DNMT1: variants seen among roughly 807,000 people sequenced by gnomAD.
The protein encoded by DNMT1 is DNA (cytosine-5)-methyltransferase 1.
In DNMT1, 24 loss-of-function variants were observed where a neutral mutation model predicts 205.3. The observed-to-expected ratio is 0.12, with a 90% CI of 0.08 to 0.16. The LOEUF (loss-of-function observed/expected upper bound fraction) is 0.16, where lower values mean the gene tolerates loss of function less well. Among genes scored for constraint, DNMT1 ranks in the 10% least tolerant of loss-of-function variants. The pLI is 1.00. For missense variants in DNMT1, 1,293 were observed against 2,177.7 expected, an observed-to-expected ratio of 0.59 and a Z score of 8.09; for synonymous variants, 817 against 839.8, an observed-to-expected ratio of 0.97 and a Z score of 0.47.
At chr19:10,194,625 T>G in intron 1 of DNMT1, 195 bp downstream of exon 1, 2 of 650,808 alleles carry the variant, frequency 3.1e-6, no homozygotes, top group Non-Finnish European at 4.9e-6. Context: ...ACGGTCCATT[T>G]TGGCGCCAAA....
Position 10,140,182 on chromosome 19 carries a change from C to T in DNMT1, c.3670G>A (p.Gly1224Ser), listed in dbSNP as rs764137405. The change falls in exon 33 of 41, where the codon GGC becomes AGC. Residue 1224 changes from glycine (G) to serine (S), a missense_variant. Physicochemically the swap from Gly to Ser is moderately conservative, Grantham distance 56 (BLOSUM62 0). Transcript: ENST00000359526. The surrounding 1 kb of genome is among the most constrained non-coding windows in gnomAD (Gnocchi z 8.4). ...TCTCCCTTCTGGGGCAGCCGCTGGC[C>T]GCGGGAGTTGGTGGTCTCCCCAGCC... ...VMAGETTNSR[G>S]QRLPQKGDVE... 6 of 1,613,946 alleles carry T rather than the reference C, an allele frequency of 3.7e-6. No homozygotes were observed. The highest frequency in any genetic ancestry group is 2.2e-5 in the South Asian group (2 of 91,082).
rs769897113 is a variant in DNMT1, at chr19:10,194,857, C to A, written c.43G>T (p.Val15Phe). The A allele has an allele frequency of 1.9e-6, 3 of 1,611,432 alleles. No homozygotes were observed. Among genetic ancestry groups the A allele is most frequent in the African/African-American group, 1.3e-5 (1 of 74,722 alleles). ...TCGTCGGGCAGCGAGATGGCCGGGACGGCCAGTGTGGGCACCCGGGCTGGG... is the reference window on the plus strand; with the variant it reads ...TCGTCGGGCAGCGAGATGGCCGGGAAGGCCAGTGTGGGCACCCGGGCTGGG... ...TAPARVPTLA[V>F]PAISLPDDVR... Residue 15 changes from valine (V) to phenylalanine (F), a missense_variant, in exon 1 of 41, where the codon GTC (valine) becomes TTC (phenylalanine). This residue lies in a region of DNMT1 where 394 missense variants were observed against 451.6 expected (regional missense o/e 0.87). Transcript: ENST00000359526.
At chr19:10,144,434 T>C (rs1427178352) in intron 28 of DNMT1, 5 of 250,866 alleles carry the variant, frequency 2.0e-5, no homozygotes, top group Non-Finnish European at 3.9e-5. Context: ...AAGATTTAGC[T>C]GCAGATTTAG....
At chr19:10,136,408 G>A (rs1258718109) in intron 37 of DNMT1, 121 bp from the exon 38 acceptor site, 3 of 1,269,268 alleles carry the variant, frequency 2.4e-6, no homozygotes, top group South Asian at 1.3e-5. Flanking sequence ...CCCTGGGGTG[G>A]AGCAGCCAAC....
Position 10,151,694 on chromosome 19 carries a change from A to C in DNMT1, c.2117+56T>G. ...ACATGCAGGCCCTTCTCCACAGTGC[A>C]TCTGCCACCAGCTGGCAAGTCCTCT... On this transcript the variant is annotated intron_variant, in intron 23 of 40. Transcript: ENST00000359526. The surrounding 1 kb of genome is among the most constrained non-coding windows in gnomAD (Gnocchi z 5.0). 6.2e-7 allele frequency: 1 copy of C among 1,610,482 alleles called. No homozygotes were observed. Among genetic ancestry groups the C allele is most frequent in the South Asian group, 1.1e-5 (1 of 91,012 alleles).
rs1313976937 is a variant in DNMT1, at chr19:10,149,877, G to C, written c.2357C>G (p.Ser786Cys). Residue 786 changes from serine (S) to cysteine (C), a missense_variant, in exon 25 of 41, where the codon TCC (serine) becomes TGC (cysteine). Ser to Cys is a moderately radical substitution (Grantham distance 112). Transcript: ENST00000359526. ...CCTTGCTAGATACAGCGGTTTTGAG[G>C]AATCATCTGGAATAACAGAGACACA... Reference protein sequence around the residue: ...GDCVSVIPDDSSKPLYLARVT... With the variant: ...GDCVSVIPDDCSKPLYLARVT... 1.2e-6 allele frequency: 2 copies of C among 1,614,090 alleles called. No individual in the cohort carries two copies. Among genetic ancestry groups the C allele is most frequent in the African/African-American group, 2.7e-5 (2 of 74,936 alleles).
At chr19:10,191,715 G>C (rs1476709550) in intron 1 of DNMT1, among the ~76,000 whole-genome samples, 1 of 152,176 alleles carries the variant, frequency 6.6e-6, no homozygotes, top group East Asian at 1.9e-4. Context: ...AGGAATAATG[G>C]CCGGGCCCTG....
chr19:10,168,218 G>A, intron 10 of DNMT1, 112 bp downstream of exon 10: 2 of 1,239,602 alleles, frequency 1.6e-6, no homozygotes, highest in Non-Finnish European at 2.4e-6. Context: ...GCCCACATAA[G>A]AGACATATGA....
In DNMT1 at chr19:10,140,292, T is replaced by G; in HGVS notation, c.3560A>C (p.Asp1187Ala). 1 of 1,613,652 alleles carries G rather than the reference T, an allele frequency of 6.2e-7. No individual in the cohort carries two copies. The highest frequency in any genetic ancestry group is 8.5e-7 in the Non-Finnish European group (1 of 1,179,986). ...CAGCCGGAACGCCTGGGCCGCAGGG[T>G]CCCACATCTCGATGGCCCACAGCGT... is the stretch of plus-strand genomic sequence containing the variant. The part of the protein sequence containing the change: ...SDTLWAIEMW[D>A]PAAQAFRLNN... Residue 1187 changes from aspartate (D) to alanine (A), a missense_variant, in exon 33 of 41, where the codon GAC (aspartate) becomes GCC (alanine). By Grantham distance (126) the Asp-to-Ala change is moderately radical (BLOSUM62 -2). Coordinates refer to ENST00000359526, the MANE Select transcript of DNMT1 (RefSeq NM_001130823.3). The surrounding 1 kb of genome is among the most constrained non-coding windows in gnomAD (Gnocchi z 8.4).
Position 10,146,406 on chromosome 19 carries a change from T to G in DNMT1, c.2839A>C (p.Ile947Leu), listed in dbSNP as rs1174048074. Residue 947 changes from isoleucine (I) to leucine (L), a missense_variant, in exon 28 of 41, where the codon ATC (isoleucine) becomes CTC (leucine). Coordinates refer to ENST00000359526, the MANE Select transcript of DNMT1 (RefSeq NM_001130823.3). The surrounding 1 kb of genome is among the most constrained non-coding windows in gnomAD (Gnocchi z 4.4). ...ACACCATCACCAACTCGGTACAGGATGCCGTTCTTGGTGGCTGAGTAGTAG... is the reference window on the plus strand; with the variant it reads ...ACACCATCACCAACTCGGTACAGGAGGCCGTTCTTGGTGGCTGAGTAGTAG... The part of the protein sequence containing the change: ...VLYYSATKNG[I>L]LYRVGDGVYL... 6.2e-7 allele frequency: 1 copy of G among 1,614,062 alleles called. No homozygotes were observed.
intron 1 of DNMT1, chr19:10,194,568 C>T: frequency 2.1e-6 from 1 of 469,174 alleles, no homozygotes; most frequent in South Asian, 3.1e-5. Context: ...AAAAGAGAAC[C>T]CCCACCCCGC....
intron 14 of DNMT1, 59 bp downstream of exon 14, chr19:10,160,325 T>C: frequency 6.2e-7 from 1 of 1,610,564 alleles, no homozygotes; most frequent in Non-Finnish European, 8.5e-7. Flanking sequence ...CCTTTTGTTC[T>C]AGAACCATCA....
chr19:10,141,784 G>A (rs539294085), intron 30 of DNMT1: 33 of 551,628 alleles, frequency 6.0e-5, no homozygotes, highest in South Asian at 5.5e-4. Flanking sequence ...CTCTAATGAC[G>A]TACTTTTTAA....
rs1005174134 is a variant in DNMT1 at position 10,156,198 on chromosome 19, CTA to C, written c.1399+191_1399+192del. On this transcript the variant is annotated intron_variant, in intron 18 of 40. Transcript: ENST00000359526. This position sits in a 1 kb window ranked among gnomAD's most constrained non-coding sequence, Gnocchi z 4.2. The stretch of plus-strand genomic sequence containing the variant: ...ACATATATATAAGTATATATGTATA[CTA>C]TATATATATGCTATATATTTTTTTT... Among the ~76,000 whole-genome samples the C allele has an allele frequency of 1.3e-5, 2 of 150,322 alleles. No individual in the cohort carries two copies. Among genetic ancestry groups the C allele is most frequent in the African/African-American group, 2.4e-5 (1 of 40,972 alleles).
rs116015324 is a variant in DNMT1 at position 10,173,471 on chromosome 19, C to T, written c.684-297G>A. ...ACGATATGGTTGCCATGGAAACACACGATAAAGTTCTTCTTTTTAAACTTT... is the reference window on the plus strand; with the variant it reads ...ACGATATGGTTGCCATGGAAACACATGATAAAGTTCTTCTTTTTAAACTTT... On this transcript the variant is annotated intron_variant, in intron 8 of 40. Coordinates refer to ENST00000359526, the MANE Select transcript of DNMT1 (RefSeq NM_001130823.3). 1.8e-3 allele frequency among the ~76,000 whole-genome samples: 276 copies of T among 151,658 alleles called. 3 individuals carry two copies. The highest frequency in any genetic ancestry group is 6.3e-3 in the African/African-American group (260 of 41,364).
chr19:10,171,140 G>GA (rs974475742), intron 9 of DNMT1, among the ~76,000 whole-genome samples: 17 of 149,388 alleles, frequency 1.1e-4, no homozygotes, highest in African/African-American at 2.0e-4. Flanking sequence ...AAAACAAACA[G>GA]AAAAAAAAAC....
intron 28 of DNMT1, among the ~76,000 whole-genome samples, chr19:10,145,309 G>A (rs2038174887): frequency 6.6e-6 from 1 of 152,208 alleles, no homozygotes; most frequent in Admixed American, 6.5e-5. Flanking sequence ...ACGGGGAGGT[G>A]TCCCCTTCCC....
At chr19:10,160,570 C>G (rs2038547506) in intron 13 of DNMT1, 152 bp from the exon 14 acceptor site, 1 of 780,172 alleles carries the variant, frequency 1.3e-6, no homozygotes, top group Non-Finnish European at 2.1e-6. Flanking sequence ...AGCTCTGACT[C>G]ACTCTACCAT....
chr19:10,155,131 A>T, intron 19 of DNMT1, 75 bp from the exon 20 acceptor site: 1 of 1,592,642 alleles, frequency 6.3e-7, no homozygotes, highest in South Asian at 1.1e-5. Flanking sequence ...GGCATGGAGG[A>T]GTCTACCAAA....
Sources: allele counts gnomAD v4.1 joint callset (sites outside exome capture counted in the v4.1 genomes callset), GRCh38; gene constraint gnomAD v4.1.1; regional missense constraint gnomAD v4.1.1; non-coding constraint Gnocchi (gnomAD v3.1); transcripts MANE v1.5; gene names NCBI Gene and HGNC (gene_info 2026-07-23, HGNC 2026-07-21).